Variants in NAV3 observed in about 807,000 individuals in gnomAD.
The protein encoded by NAV3 is pore membrane and/or filament interacting like protein 1.
NAV3 carries 87 observed loss-of-function variants against 244.7 expected under a neutral mutation model. The ratio of observed to expected loss-of-function variants is 0.36; its 90% CI spans 0.30 to 0.42. The LOEUF (loss-of-function observed/expected upper bound fraction) is 0.42, where lower values mean the gene tolerates loss of function less well. NAV3 is among the 20% of genes least tolerant of loss of function. The probability of loss-of-function intolerance (pLI) is 1.00; values close to 1 mark genes in which losing one functional copy is unlikely to be tolerated. For synonymous variants in NAV3, 1,126 were observed against 1,042.2 expected (o/e 1.08, Z -1.55); for missense variants, 2,663 against 2,893.3 (o/e 0.92, Z 1.83).
At chr12:77,993,380 C>T (rs753246542) in intron 5 of NAV3, among the ~76,000 whole-genome samples, 2 of 152,096 alleles carry the variant, frequency 1.3e-5, no homozygotes, top group Non-Finnish European at 2.9e-5. Flanking sequence ...CTTTAATTTT[C>T]AAAATGCTAT....
At chr12:78,130,996 C>T (rs1326527470) in intron 18 of NAV3, 2 of 155,732 alleles carry the variant, frequency 1.3e-5, no homozygotes, top group Non-Finnish European at 2.9e-5. Flanking sequence ...ACCGTGGGTC[C>T]TCAAGTGCCT....
intron 1 of NAV3, among the ~76,000 whole-genome samples, chr12:77,860,895 A>T (rs1879162501): frequency 6.6e-6 from 1 of 151,932 alleles, no homozygotes; most frequent in Non-Finnish European, 1.5e-5. Context: ...TATCCTTCAT[A>T]GAGTGGGCAG....
At chr12:78,086,916 CA>C (rs776365584) in intron 12 of NAV3, among the ~76,000 whole-genome samples, 9 of 151,900 alleles carry the variant, frequency 5.9e-5, no homozygotes, top group Non-Finnish European at 1.5e-5. Flanking sequence ...TATATGACAC[CA>C]ACACTTTTTC....
At chr12:77,580,754 T>C (rs770531551) in intron 2 of NAV3, among the ~76,000 whole-genome samples, 2 of 152,214 alleles carry the variant, frequency 1.3e-5, no homozygotes, top group African/African-American at 4.8e-5. Flanking sequence ...TCTTTTATCT[T>C]TACCATTTCC....
intron 20 of NAV3, among the ~76,000 whole-genome samples, chr12:78,141,354 T>C (rs1956605485): frequency 6.6e-6 from 1 of 152,138 alleles, no homozygotes; most frequent in East Asian, 1.9e-4. Context: ...TATGAGTGAG[T>C]CTTTTTAGAG....
intron 20 of NAV3, chr12:78,143,291 T>C: frequency 2.2e-6 from 1 of 447,530 alleles, no homozygotes; most frequent in Non-Finnish European, 4.5e-6. Flanking sequence ...CCTAACCTGA[T>C]CTGCAGAGGT....
intron 24 of NAV3, among the ~76,000 whole-genome samples, chr12:78,171,986 A>C (rs1958020033): frequency 6.6e-6 from 1 of 151,572 alleles, no homozygotes; most frequent in African/African-American, 2.4e-5. Flanking sequence ...TTTGTTTACA[A>C]ACATATTTAA....
At chr12:77,960,246 C>A (rs1333705195) in intron 3 of NAV3, among the ~76,000 whole-genome samples, 4 of 151,832 alleles carry the variant, frequency 2.6e-5, no homozygotes, top group African/African-American at 9.7e-5. Context: ...ATATTATTTC[C>A]AATTAGGGTT....
At chr12:78,134,575 G>A (rs1212221508) in intron 18 of NAV3, among the ~76,000 whole-genome samples, 1 of 152,152 alleles carries the variant, frequency 6.6e-6, no homozygotes, top group African/African-American at 2.4e-5. Context: ...AAAGTAGAGA[G>A]TGACTTGGGG....
intron 1 of NAV3, among the ~76,000 whole-genome samples, chr12:77,884,017 A>G (rs761726762): frequency 5.9e-5 from 9 of 152,190 alleles, no homozygotes; most frequent in Non-Finnish European, 1.0e-4. Context: ...TTTGTGAGGT[A>G]TAGCACCCAA....
chr12:78,100,341 C>T (rs1954476103), intron 12 of NAV3, among the ~76,000 whole-genome samples: 2 of 151,782 alleles, frequency 1.3e-5, no homozygotes. Flanking sequence ...TTCTTTGAGT[C>T]CTCTTGATGG....
chr12:78,193,442 G>A (rs908562844), intron 34 of NAV3, among the ~76,000 whole-genome samples: 7 of 152,164 alleles, frequency 4.6e-5, no homozygotes, highest in Admixed American at 4.6e-4. Flanking sequence ...TTTTTAGTGT[G>A]TCTGGAGTCA....
intron 9 of NAV3, among the ~76,000 whole-genome samples, chr12:78,044,136 G>C (rs1194594766): frequency 6.6e-6 from 1 of 152,162 alleles, no homozygotes; most frequent in East Asian, 1.9e-4. Flanking sequence ...TCCAGTTTCA[G>C]TTATATGCAT....
intron 12 of NAV3, among the ~76,000 whole-genome samples, chr12:78,105,321 A>G (rs1349123451): frequency 2.6e-5 from 4 of 152,134 alleles, no homozygotes; most frequent in Admixed American, 6.5e-5. Flanking sequence ...TAGGTGAGCT[A>G]TTTAATCTCT....
chr12:78,188,355 A>G lies in NAV3; in HGVS notation c.5886+12A>G, dbSNP rs1177888387. On this transcript the variant is annotated intron_variant, in intron 32 of 39. Coordinates refer to ENST00000397909, the MANE Select transcript of NAV3 (RefSeq NM_001024383.2). ...GACGTCTCTTTAAGGTATGTTGTGC[A>G]AGACACCCTAATAGTACTTTTCAAA... 2 of 1,583,972 alleles carry G rather than the reference A, an allele frequency of 1.3e-6. No homozygotes were observed. Among genetic ancestry groups the G allele is most frequent in the African/African-American group, 1.3e-5 (1 of 74,276 alleles).
At chr12:78,064,572 CCTCTGTAAAAGTCCTGTTTCCAAA>C (rs1884779142) in intron 12 of NAV3, among the ~76,000 whole-genome samples, 4 of 152,006 alleles carry the variant, frequency 2.6e-5, no homozygotes, top group Admixed American at 2.6e-4. Flanking sequence ...ACCTGAATTA[CCTCTGTAAAAGTCCTGTTTCCAAA>C]TACAGTCACA....
chr12:77,599,019 C>G (rs971554651), intron 2 of NAV3, among the ~76,000 whole-genome samples: 1 of 151,872 alleles, frequency 6.6e-6, no homozygotes. Context: ...CTCCAAGTCC[C>G]CATATCCCAC....
chr12:78,201,133 T>G (rs1245185645), intron 38 of NAV3, among the ~76,000 whole-genome samples: 1 of 144,422 alleles, frequency 6.9e-6, no homozygotes, highest in African/African-American at 2.6e-5. Context: ...TGCGCAGTGG[T>G]AGAACCATGG....
At chr12:77,900,428 G>A (rs544563647) in intron 1 of NAV3, among the ~76,000 whole-genome samples, 1 of 152,230 alleles carries the variant, frequency 6.6e-6, no homozygotes, top group Admixed American at 6.5e-5. Context: ...CACTCATAAG[G>A]AGGACATGCA....
Sources: gnomAD v4.1 joint callset for allele counts (sites outside exome capture counted in the v4.1 genomes callset) on GRCh38, gnomAD v4.1.1 for gene constraint, MANE v1.5 for transcripts, NCBI Gene and HGNC (gene_info 2026-07-23, HGNC 2026-07-21) for gene names.